Variants in ENOX1 observed in about 807,000 individuals in gnomAD.
The protein encoded by ENOX1 is ecto-NOX disulfide-thiol exchanger 1.
A neutral mutation model predicts 82.5 loss-of-function variants in ENOX1; 42 were observed. The ratio of observed to expected loss-of-function variants is 0.51; its 90% CI spans 0.40 to 0.66. ENOX1 has a LOEUF of 0.66. Among genes scored for constraint, ENOX1 ranks in the 30% least tolerant of loss-of-function variants. ENOX1 has a pLI of 0.00. For missense variants in ENOX1, 608 were observed against 811.6 expected, an observed-to-expected ratio of 0.75 and a Z score of 3.05; for synonymous variants, 271 against 282.2, an observed-to-expected ratio of 0.96 and a Z score of 0.40.
intron 1 of ENOX1, among the ~76,000 whole-genome samples, chr13:43,773,500 G>A (rs182645473): frequency 3.9e-5 from 6 of 152,244 alleles, no homozygotes; most frequent in African/African-American, 1.4e-4. Flanking sequence ...TCCTGCCACT[G>A]TTCACCCTTT....
intron 12 of ENOX1, among the ~76,000 whole-genome samples, chr13:43,288,536 G>A (rs971649607): frequency 6.6e-6 from 1 of 152,070 alleles, no homozygotes; most frequent in African/African-American, 2.4e-5. Flanking sequence ...ACTTGTACAT[G>A]AGAGTCTAAG....
intron 2 of ENOX1, among the ~76,000 whole-genome samples, chr13:43,519,979 C>CT (rs1197479175): frequency 6.6e-6 from 1 of 152,110 alleles, no homozygotes; most frequent in African/African-American, 2.4e-5. Context: ...CTTTACCTTG[C>CT]TTTTTAAGTA....
chr13:43,407,429 A>G (rs1236648304), intron 5 of ENOX1, among the ~76,000 whole-genome samples: 1 of 152,178 alleles, frequency 6.6e-6, no homozygotes, highest in Non-Finnish European at 1.5e-5. Context: ...TTGTTTTTTA[A>G]TTAATTTTTA....
At chr13:43,467,913 G>A (rs1321139135) in intron 3 of ENOX1, among the ~76,000 whole-genome samples, 1 of 152,110 alleles carries the variant, frequency 6.6e-6, no homozygotes, top group African/African-American at 2.4e-5. Flanking sequence ...ACCATTTGTT[G>A]AAAAGACTAT....
intron 1 of ENOX1, among the ~76,000 whole-genome samples, chr13:43,725,694 G>A (rs1052429015): frequency 1.3e-5 from 2 of 151,912 alleles, no homozygotes; most frequent in South Asian, 2.1e-4. Flanking sequence ...CGCCTGGCAC[G>A]GTGACTCACT....
At chr13:43,268,527 C>T (rs761103798) in intron 13 of ENOX1, among the ~76,000 whole-genome samples, 5 of 151,596 alleles carry the variant, frequency 3.3e-5, no homozygotes, top group Non-Finnish European at 5.9e-5. Flanking sequence ...TCACTCATAC[C>T]TTTGGGAGAA....
intron 1 of ENOX1, among the ~76,000 whole-genome samples, chr13:43,783,205 AG>A (rs1952375641): frequency 6.6e-6 from 1 of 152,228 alleles, no homozygotes; most frequent in Non-Finnish European, 1.5e-5. Context: ...TTCCCAGTTT[AG>A]GGAAAGGCAG....
At chr13:43,567,405 TTATC>T (rs2079967885) in intron 2 of ENOX1, among the ~76,000 whole-genome samples, 1 of 152,160 alleles carries the variant, frequency 6.6e-6, no homozygotes, top group African/African-American at 2.4e-5. Context: ...ACTCTCCTCT[TTATC>T]TAGTCCTCTT....
intron 11 of ENOX1, among the ~76,000 whole-genome samples, chr13:43,317,621 T>G (rs989782722): frequency 6.6e-6 from 1 of 151,984 alleles, no homozygotes; most frequent in Admixed American, 6.5e-5. Flanking sequence ...ATACTGCTAG[T>G]TCCAACCAAA....
chr13:43,257,829 CT>C (rs2043837074), intron 14 of ENOX1, among the ~76,000 whole-genome samples: 1 of 152,158 alleles, frequency 6.6e-6, no homozygotes. Flanking sequence ...AAATGGGTAA[CT>C]TTTGTTCAGA....
chr13:43,616,204 A>ATATATATATATATATATATATATTT lies in ENOX1; in HGVS notation c.-219+51274_-219+51275insAAATATATATATATATATATATATA, dbSNP rs1457149422. ...TATCTATCTATATATATATATATATATTTTTTTTTTTTTTTTAGGACGGAG... is the reference window on the plus strand; with the variant it reads ...TATCTATCTATATATATATATATATATATATATATATATATATATATATTTTTTTTTTTTTTTTTTTAGGACGGAG... On this transcript the variant is annotated intron_variant, in intron 2 of 16. Transcript: ENST00000690772. Among the ~76,000 whole-genome samples, 19 of 15,300 alleles carry ATATATATATATATATATATATATTT rather than the reference A, an allele frequency of 1.2e-3. 3 individuals are homozygous for ATATATATATATATATATATATATTT. The highest frequency in any genetic ancestry group is 2.9e-3 in the Non-Finnish European group (14 of 4,792). The allele number at this position is 15,300 out of a possible 152,430, so 10.0% of individuals were successfully genotyped here.
chr13:43,722,339 C>T (rs1245388643), intron 1 of ENOX1, among the ~76,000 whole-genome samples: 1 of 152,174 alleles, frequency 6.6e-6, no homozygotes, highest in African/African-American at 2.4e-5. Flanking sequence ...CCACTGACTT[C>T]TAACAGTTAA....
chr13:43,344,172 T>TAGG (rs1275680049), intron 9 of ENOX1, among the ~76,000 whole-genome samples: 2 of 152,152 alleles, frequency 1.3e-5, no homozygotes, highest in Non-Finnish European at 2.9e-5. Context: ...CTGTCAGCAC[T>TAGG]AGGAGGACAT....
chr13:43,458,278 C>T (rs1309870787), intron 3 of ENOX1, among the ~76,000 whole-genome samples: 1 of 152,092 alleles, frequency 6.6e-6, no homozygotes, highest in Non-Finnish European at 1.5e-5. Context: ...TGGACATATT[C>T]TCTATTTTGC....
At chr13:43,401,481 CTG>C (rs2053492662) in intron 5 of ENOX1, among the ~76,000 whole-genome samples, 1 of 152,182 alleles carries the variant, frequency 6.6e-6, no homozygotes, top group Non-Finnish European at 1.5e-5. Flanking sequence ...AGCCTGAGGT[CTG>C]TCTGAATTAG....
chr13:43,632,231 T>A (rs1326510248), intron 2 of ENOX1, among the ~76,000 whole-genome samples: 1 of 152,132 alleles, frequency 6.6e-6, no homozygotes, highest in African/African-American at 2.4e-5. Flanking sequence ...ATCTCATAGA[T>A]GGTGAATTTT....
At chr13:43,635,610 G>A (rs375225758) in intron 2 of ENOX1, among the ~76,000 whole-genome samples, 2 of 152,142 alleles carry the variant, frequency 1.3e-5, no homozygotes, top group East Asian at 3.8e-4. Flanking sequence ...CCACATGTGA[G>A]AAGTGAGAAT....
At chr13:43,332,956 C>T (rs955853553) in intron 9 of ENOX1, among the ~76,000 whole-genome samples, 1 of 152,132 alleles carries the variant, frequency 6.6e-6, no homozygotes, top group Non-Finnish European at 1.5e-5. Flanking sequence ...CAGATCCTAG[C>T]ACATCCATCC....
intron 12 of ENOX1, among the ~76,000 whole-genome samples, chr13:43,281,055 GGTCA>G (rs1178676150): frequency 6.6e-6 from 1 of 152,068 alleles, no homozygotes; most frequent in Non-Finnish European, 1.5e-5. Context: ...CCTAATCCAG[GGTCA>G]AGCCCTGGAT....
Sources: gnomAD v4.1 joint callset for allele counts (sites outside exome capture counted in the v4.1 genomes callset) on GRCh38, gnomAD v4.1.1 for gene constraint, MANE v1.5 for transcripts, NCBI Gene and HGNC (gene_info 2026-07-23, HGNC 2026-07-21) for gene names.